The following STARD13 variants were observed in gnomAD, a reference collection of about 807,000 sequenced individuals.
STARD13 encodes the protein stAR-related lipid transfer protein 13.
In STARD13, 62 loss-of-function variants were observed where a neutral mutation model predicts 106.4. The observed-to-expected ratio is 0.58, with a 90% CI of 0.48 to 0.72. The LOEUF (loss-of-function observed/expected upper bound fraction) is 0.72, where lower values mean the gene tolerates loss of function less well. STARD13 is among the 30% of genes least tolerant of loss of function. The pLI is 0.00. For synonymous variants in STARD13, 565 were observed against 553.0 expected, an observed-to-expected ratio of 1.02 and a Z score of -0.31; for missense variants, 1,387 against 1,424.0, an observed-to-expected ratio of 0.97 and a Z score of 0.42.
At chr13:33,216,162 T>C (rs1051894359) in intron 1 of STARD13, among the ~76,000 whole-genome samples, 1 of 152,226 alleles carries the variant, frequency 6.6e-6, no homozygotes, top group Non-Finnish European at 1.5e-5. Context: ...GTGGAGATTC[T>C]TTAAAGAACT....
chr13:33,208,564 C>G (rs1235504312), intron 1 of STARD13, among the ~76,000 whole-genome samples: 1 of 152,020 alleles, frequency 6.6e-6, no homozygotes, highest in African/African-American at 2.4e-5. Context: ...AATTATGAAC[C>G]CTTGGGGGTT....
the STARD13 span, among the ~76,000 whole-genome samples, chr13:33,399,291 C>T: frequency 6.6e-6 from 1 of 151,936 alleles, no homozygotes; most frequent in Non-Finnish European, 1.5e-5. Context: ...GTTGAACTCT[C>T]AAGCAGAGAG....
the STARD13 span, among the ~76,000 whole-genome samples, chr13:33,674,395 A>G: frequency 2.0e-5 from 3 of 152,260 alleles, no homozygotes; most frequent in African/African-American, 7.2e-5. Flanking sequence ...TAAGAAAAAT[A>G]AAGAAAACTA....
the STARD13 span, among the ~76,000 whole-genome samples, chr13:33,534,784 A>G: frequency 6.6e-6 from 1 of 152,180 alleles, no homozygotes. Flanking sequence ...TTTTCCTTTT[A>G]TTATTCAAGT....
At chr13:33,198,080 A>G (rs1053936211) in intron 1 of STARD13, among the ~76,000 whole-genome samples, 2 of 152,114 alleles carry the variant, frequency 1.3e-5, no homozygotes, top group African/African-American at 4.8e-5. Context: ...AGGCAGGAGA[A>G]TTGCTTGAAC....
chr13:33,166,033 A>G (rs1373207485), intron 2 of STARD13, among the ~76,000 whole-genome samples: 1 of 152,214 alleles, frequency 6.6e-6, no homozygotes, highest in East Asian at 1.9e-4. Context: ...TACCTCGTTC[A>G]TGGAGGTAGC....
the STARD13 span, among the ~76,000 whole-genome samples, chr13:33,416,234 AATT>A: frequency 6.6e-6 from 1 of 152,258 alleles, no homozygotes; most frequent in Non-Finnish European, 1.5e-5. Context: ...AAAGCAGAGG[AATT>A]ATCAATCACT....
At chr13:33,282,451 T>C (rs1332182840) in intron 1 of STARD13, among the ~76,000 whole-genome samples, 1 of 152,160 alleles carries the variant, frequency 6.6e-6, no homozygotes, top group Admixed American at 6.6e-5. Context: ...TCCCCATGAG[T>C]GTATCTGCTA....
the STARD13 span, among the ~76,000 whole-genome samples, chr13:33,364,940 G>A: frequency 8.5e-5 from 13 of 152,274 alleles, no homozygotes; most frequent in Middle Eastern, 3.4e-3. Flanking sequence ...GAAAAGAAAG[G>A]TAGCTGTTAC....
At chr13:33,561,503 C>A in the STARD13 span, among the ~76,000 whole-genome samples, 5 of 151,242 alleles carry the variant, frequency 3.3e-5, no homozygotes, top group Non-Finnish European at 5.9e-5. Flanking sequence ...CATTTCTTGT[C>A]TTTTTAAAAA....
At chr13:33,229,124 C>A (rs1015783508) in intron 1 of STARD13, among the ~76,000 whole-genome samples, 1 of 152,132 alleles carries the variant, frequency 6.6e-6, no homozygotes, top group East Asian at 1.9e-4. Context: ...CCTGTATGGG[C>A]TTCTAGATCT....
At chr13:33,606,408 T>A in the STARD13 span, among the ~76,000 whole-genome samples, 21 of 152,224 alleles carry the variant, frequency 1.4e-4, 1 homozygote, top group African/African-American at 5.1e-4. Flanking sequence ...CTCAGGATAT[T>A]ATAAGTTCTT....
the STARD13 span, among the ~76,000 whole-genome samples, chr13:33,630,046 C>CT: frequency 2.6e-5 from 4 of 152,138 alleles, no homozygotes; most frequent in African/African-American, 4.8e-5. Context: ...CCTTGTTATT[C>CT]TTTCACATTT....
At chr13:33,184,782 G>C (rs913638670) in intron 1 of STARD13, among the ~76,000 whole-genome samples, 2 of 152,234 alleles carry the variant, frequency 1.3e-5, no homozygotes, top group African/African-American at 4.8e-5. Context: ...ATTTGACACA[G>C]AGCAGGCACT....
At chr13:33,238,063 G>A (rs1187058510) in intron 1 of STARD13, among the ~76,000 whole-genome samples, 2 of 152,200 alleles carry the variant, frequency 1.3e-5, no homozygotes, top group African/African-American at 4.8e-5. Context: ...CTTCTACTGA[G>A]TAGTTACAGG....
At chr13:33,144,553 T>C (rs544478916) in intron 3 of STARD13, among the ~76,000 whole-genome samples, 1 of 152,380 alleles carries the variant, frequency 6.6e-6, no homozygotes, top group South Asian at 2.1e-4. Flanking sequence ...CTCCTCATTT[T>C]CAACCACCTC....
chr13:33,411,578 G>A, the STARD13 span, among the ~76,000 whole-genome samples: 4 of 152,114 alleles, frequency 2.6e-5, no homozygotes, highest in Admixed American at 6.5e-5. Context: ...CGAGAAACAA[G>A]TTAAGAGAGC....
the STARD13 span, among the ~76,000 whole-genome samples, chr13:33,393,737 TG>T: frequency 6.6e-6 from 1 of 152,192 alleles, no homozygotes; most frequent in African/African-American, 2.4e-5. Flanking sequence ...CTTACTGGGG[TG>T]CATACTATTT....
the STARD13 span, among the ~76,000 whole-genome samples, chr13:33,372,700 T>A: frequency 6.6e-6 from 1 of 151,870 alleles, no homozygotes; most frequent in Non-Finnish European, 1.5e-5. Flanking sequence ...TAGTTTGTGG[T>A]AGAAAGTTCT....
Sources: allele counts gnomAD v4.1 joint callset (sites outside exome capture counted in the v4.1 genomes callset), GRCh38; gene constraint gnomAD v4.1.1; transcripts MANE v1.5; gene names NCBI Gene and HGNC (gene_info 2026-07-23, HGNC 2026-07-21).